SKIC8: variants seen among roughly 807,000 people sequenced by gnomAD.
SKIC8 encodes superkiller complex protein 8.
chr15:78,288,196 G>GTCTTTACTAGGGC, the SKIC8 span: 1 of 1,337,484 alleles, frequency 7.5e-7, no homozygotes, highest in Non-Finnish European at 1.0e-6. Context: ...TTGAGCACAG[G>GTCTTTACTAGGGC]TCTTTACTAG....
At chr15:78,289,575 T>C in the SKIC8 span, 1 of 1,401,482 alleles carries the variant, frequency 7.1e-7, no homozygotes, top group Non-Finnish European at 1.0e-6. Context: ...TCTTCCTTTG[T>C]GATTTGATAA....
the SKIC8 span, chr15:78,290,545 CTT>C: frequency 6.5e-6 from 1 of 154,052 alleles, no homozygotes; most frequent in Non-Finnish European, 1.4e-5. Context: ...TCTCTCTTCT[CTT>C]TTTCTCTTCC....
chr15:78,297,853 C>T, the SKIC8 span, among the ~76,000 whole-genome samples: 1 of 152,212 alleles, frequency 6.6e-6, no homozygotes, highest in African/African-American at 2.4e-5. Flanking sequence ...TTTCCAATAA[C>T]AGGAAATCAA....
At chr15:78,293,293 T>C in the SKIC8 span, 1 of 1,607,216 alleles carries the variant, frequency 6.2e-7, no homozygotes, top group Non-Finnish European at 8.5e-7. Context: ...AAGTGCTTCA[T>C]TTATAAAGTC....
chr15:78,285,798 T>G, the SKIC8 span: 3 of 463,214 alleles, frequency 6.5e-6, no homozygotes, highest in East Asian at 9.6e-5. Context: ...TAGAGTCACT[T>G]TGGTAGAAGC....
the SKIC8 span, chr15:78,285,760 A>G: frequency 2.2e-6 from 1 of 444,782 alleles, no homozygotes; most frequent in African/African-American, 2.0e-5. Flanking sequence ...TACATATTTT[A>G]AGTTACCATT....
chr15:78,288,902 C>T, the SKIC8 span: 1 of 452,934 alleles, frequency 2.2e-6, no homozygotes, highest in East Asian at 7.0e-5. Flanking sequence ...ACAGTGGGCA[C>T]AATACTTTCA....
At chr15:78,298,627 A>C in the SKIC8 span, among the ~76,000 whole-genome samples, 7 of 152,172 alleles carry the variant, frequency 4.6e-5, no homozygotes, top group Non-Finnish European at 8.8e-5. Flanking sequence ...TGTATGTGTA[A>C]TCTGTATGAG....
At chr15:78,295,875 G>T in the SKIC8 span, 1 of 551,666 alleles carries the variant, frequency 1.8e-6, no homozygotes, top group Non-Finnish European at 3.0e-6. Flanking sequence ...AACCTCCTTC[G>T]CACTCCCTAC....
At chr15:78,298,066 G>GAAC in the SKIC8 span, among the ~76,000 whole-genome samples, 1 of 152,080 alleles carries the variant, frequency 6.6e-6, no homozygotes, top group African/African-American at 2.4e-5. Flanking sequence ...TGTGACCCAT[G>GAAC]AACAGGGTTC....
the SKIC8 span, chr15:78,285,285 G>A: frequency 9.9e-6 from 16 of 1,614,216 alleles, no homozygotes; most frequent in Non-Finnish European, 1.4e-5. Flanking sequence ...CAAAGAAGGT[G>A]TGAACACAAG....
the SKIC8 span, chr15:78,283,304 G>T: frequency 1.5e-6 from 1 of 656,104 alleles, no homozygotes; most frequent in Non-Finnish European, 2.5e-6. Context: ...GATTCATATT[G>T]TATCTACAAA....
the SKIC8 span, among the ~76,000 whole-genome samples, chr15:78,293,637 G>T: frequency 6.6e-6 from 1 of 152,146 alleles, no homozygotes; most frequent in Non-Finnish European, 1.5e-5. Context: ...CCTAAACCCG[G>T]TAACAGATAC....
chr15:78,297,181 T>C, the SKIC8 span, among the ~76,000 whole-genome samples: 1 of 152,138 alleles, frequency 6.6e-6, no homozygotes, highest in Non-Finnish European at 1.5e-5. Context: ...AACAGTGGAA[T>C]CACCGACAAA....
chr15:78,285,416 T>C, the SKIC8 span: 1 of 1,305,548 alleles, frequency 7.7e-7, no homozygotes, highest in Non-Finnish European at 1.1e-6. Context: ...TGACTTACAT[T>C]CTTCTAACTT....
the SKIC8 span, chr15:78,285,948 G>T: frequency 9.7e-7 from 1 of 1,025,920 alleles, no homozygotes; most frequent in South Asian, 2.2e-5. Context: ...GAATAAAAAA[G>T]GGTCAAACAT....
At chr15:78,291,333 T>A in the SKIC8 span, 1 of 152,268 alleles carries the variant, frequency 6.6e-6, no homozygotes, top group South Asian at 2.1e-4. Flanking sequence ...AACAGTTCTG[T>A]CTCTTCCTCT....
At chr15:78,288,881 C>T in the SKIC8 span, 3 of 444,134 alleles carry the variant, frequency 6.8e-6, no homozygotes, top group Non-Finnish European at 1.3e-5. Flanking sequence ...TTCCAGAGGC[C>T]ACCGGTGTGG....
the SKIC8 span, chr15:78,289,676 C>G: frequency 6.2e-7 from 1 of 1,614,162 alleles, no homozygotes; most frequent in Non-Finnish European, 8.5e-7. Context: ...ATGATTCCAT[C>G]TATGGCTCCA....
Sources: allele counts gnomAD v4.1 joint callset (sites outside exome capture counted in the v4.1 genomes callset), GRCh38; gene constraint gnomAD v4.1.1; transcripts MANE v1.5; gene names NCBI Gene and HGNC (gene_info 2026-07-23, HGNC 2026-07-21).